Variants in BNC2 observed in about 807,000 individuals in gnomAD.
The protein encoded by BNC2 is basonuclin zinc finger protein 2.
In BNC2, 20 loss-of-function variants were observed where a neutral mutation model predicts 76.3. The observed-to-expected ratio is 0.26, with a 90% confidence interval of 0.18 to 0.38. The LOEUF is 0.38. BNC2 is among the 10% of genes least tolerant of loss of function. BNC2 has a pLI of 1.00. For missense variants in BNC2, 1,382 were observed against 1,399.8 expected, an observed-to-expected ratio of 0.99 and a Z score of 0.20; for synonymous variants, 582 against 514.8, an observed-to-expected ratio of 1.13 and a Z score of -1.77.
intron 1 of BNC2, among the ~76,000 whole-genome samples, chr9:16,838,505 G>A (rs1428568011): frequency 6.6e-6 from 1 of 152,312 alleles, no homozygotes; most frequent in East Asian, 1.9e-4. Context: ...AGGTTGCAGT[G>A]AGCCAAGAGC....
rs537279743 is a variant in BNC2, at chr9:16,845,593, G to C, written c.3+25053C>G. On this transcript the variant is annotated intron_variant, in intron 1 of 6. Transcript: ENST00000380672. ...AAAATTAGCCGGGTGTAGCGGCGTG[G>C]GCCTGTAGTCCCAGCTACTTGGGAG... Among the ~76,000 whole-genome samples, 14 of 152,046 alleles carry C rather than the reference G, an allele frequency of 9.2e-5. No homozygotes were observed. In the South Asian group the frequency reaches 2.5e-3, roughly 27 times the overall value.
At chr9:16,576,835 T>A (rs995880913) in intron 4 of BNC2, among the ~76,000 whole-genome samples, 4 of 152,210 alleles carry the variant, frequency 2.6e-5, no homozygotes, top group African/African-American at 9.6e-5. Context: ...CCTCCTGGGT[T>A]TAAGCGATTC....
At chr9:16,490,537 A>G (rs80227927) in intron 5 of BNC2, among the ~76,000 whole-genome samples, 2,465 of 152,244 alleles carry the variant, frequency 0.016, 72 homozygotes, top group African/African-American at 0.056. Flanking sequence ...GAAATTTTAG[A>G]GTTTTCTCAC....
intron 1 of BNC2, among the ~76,000 whole-genome samples, chr9:16,783,418 T>A (rs1297091538): frequency 2.0e-5 from 3 of 152,196 alleles, no homozygotes; most frequent in Non-Finnish European, 4.4e-5. Context: ...ACAAGTACAA[T>A]ATTTATGCTG....
Position 16,475,660 on chromosome 9 carries a change from AAC to A in BNC2, c.670-38138_670-38137del, listed in dbSNP as rs547078110. ...TAATCCACTAGAAATTAATAAATCA[AAC>A]AGTGTCTTTTATCCCCTTTCCTCCA... On this transcript the variant is annotated intron_variant, in intron 5 of 6. Transcript: ENST00000380672. 4.7e-3 allele frequency among the ~76,000 whole-genome samples: 714 copies of A among 152,322 alleles called. 3 individuals carry two copies. Among genetic ancestry groups the A allele is most frequent in the Non-Finnish European group, 7.8e-3 (530 of 68,022 alleles).
At chr9:16,752,128 T>C (rs1825235843) in intron 1 of BNC2, among the ~76,000 whole-genome samples, 1 of 152,198 alleles carries the variant, frequency 6.6e-6, no homozygotes. Flanking sequence ...TTTTAAGAAA[T>C]TACGTCTTTT....
At chr9:16,484,733 T>G (rs997693) in intron 5 of BNC2, among the ~76,000 whole-genome samples, 25,986 of 152,118 alleles carry the variant, frequency 0.17, 2,567 homozygotes, top group South Asian at 0.28. Context: ...AAGTTTCAGG[T>G]GCTACATTTC....
intron 3 of BNC2, among the ~76,000 whole-genome samples, chr9:16,618,321 G>A (rs1255953122): frequency 1.3e-5 from 2 of 152,138 alleles, no homozygotes; most frequent in African/African-American, 4.8e-5. Context: ...ATTCTACGTA[G>A]ATTTCAGTTC....
At chr9:16,734,455 T>G (rs1824606566) in intron 2 of BNC2, among the ~76,000 whole-genome samples, 1 of 119,160 alleles carries the variant, frequency 8.4e-6, no homozygotes, top group African/African-American at 3.5e-5. Context: ...GCCCCTCTCA[T>G]TATAAGAGTC....
intron 6 of BNC2, chr9:16,434,969 A>T: frequency 2.1e-6 from 1 of 470,808 alleles, no homozygotes; most frequent in Non-Finnish European, 4.4e-6. Context: ...TATTTTCACA[A>T]CTCTTAAAGA....
intron 3 of BNC2, among the ~76,000 whole-genome samples, chr9:16,602,763 C>A (rs903603894): frequency 2.0e-5 from 3 of 152,146 alleles, no homozygotes; most frequent in Non-Finnish European, 2.9e-5. Context: ...GCCACTTCCT[C>A]CAGGGACTGT....
intron 6 of BNC2, chr9:16,429,214 T>TC (rs899895012): frequency 6.6e-6 from 1 of 152,202 alleles, no homozygotes; most frequent in Non-Finnish European, 1.5e-5. Flanking sequence ...AAAGAAGGTA[T>TC]CCCTTCCTCT....
At chr9:16,432,847 G>A (rs1399348147) in intron 6 of BNC2, among the ~76,000 whole-genome samples, 4 of 152,136 alleles carry the variant, frequency 2.6e-5, no homozygotes, top group Non-Finnish European at 5.9e-5. Flanking sequence ...CAAATTAAAA[G>A]GGAAAAACCA....
intron 3 of BNC2, among the ~76,000 whole-genome samples, chr9:16,703,373 C>T (rs988695745): frequency 4.0e-5 from 6 of 151,796 alleles, no homozygotes; most frequent in Admixed American, 2.6e-4. Context: ...CAATATTCTC[C>T]GGAAAAATCA....
intron 3 of BNC2, among the ~76,000 whole-genome samples, chr9:16,709,462 C>T (rs1407749964): frequency 6.6e-6 from 1 of 152,122 alleles, no homozygotes; most frequent in African/African-American, 2.4e-5. Context: ...CACAGTTCCA[C>T]AGAGCTTATC....
intron 1 of BNC2, among the ~76,000 whole-genome samples, chr9:16,783,716 T>C (rs1826210178): frequency 6.6e-6 from 1 of 152,294 alleles, no homozygotes; most frequent in Non-Finnish European, 1.5e-5. Flanking sequence ...CTCTACTTCA[T>C]TTAAACCACT....
intron 5 of BNC2, among the ~76,000 whole-genome samples, chr9:16,513,744 C>T (rs185604291): frequency 2.6e-5 from 4 of 152,024 alleles, no homozygotes; most frequent in Admixed American, 6.6e-5. Context: ...CGGGAAGGAC[C>T]GTAGGTTGAA....
At chr9:16,502,442 T>C (rs1376664611) in intron 5 of BNC2, among the ~76,000 whole-genome samples, 42 of 152,174 alleles carry the variant, frequency 2.8e-4, no homozygotes. Flanking sequence ...CAGATCTTTG[T>C]AACTTTTAAA....
chr9:16,762,979 A>G (rs911902370), intron 1 of BNC2, among the ~76,000 whole-genome samples: 1 of 152,168 alleles, frequency 6.6e-6, no homozygotes, highest in African/African-American at 2.4e-5. Flanking sequence ...ATCAAGGAAG[A>G]AAGGTTAAGT....
Sources: allele counts gnomAD v4.1 joint callset (sites outside exome capture counted in the v4.1 genomes callset), GRCh38; gene constraint gnomAD v4.1.1; transcripts MANE v1.5; gene names NCBI Gene and HGNC (gene_info 2026-07-23, HGNC 2026-07-21).